The following BSN variants were observed in gnomAD, a reference collection of about 807,000 sequenced individuals.
BSN encodes protein bassoon.
In BSN, 57 loss-of-function variants were observed where a neutral mutation model predicts 264.8. The ratio of observed to expected loss-of-function variants is 0.22; its 90% CI spans 0.17 to 0.27. The LOEUF (loss-of-function observed/expected upper bound fraction) is 0.27, where lower values mean the gene tolerates loss of function less well. Among genes scored for constraint, BSN ranks in the 10% least tolerant of loss-of-function variants. The pLI, the probability that BSN is intolerant of heterozygous loss-of-function variation, is 1.00. For synonymous variants in BSN, 2,059 were observed against 2,137.3 expected, an observed-to-expected ratio of 0.96 and a Z score of 1.01; for missense variants, 4,615 against 5,232.5, an observed-to-expected ratio of 0.88 and a Z score of 3.64.
At chr3:49,586,268 T>C (rs1320080636) in intron 1 of BSN, among the ~76,000 whole-genome samples, 1 of 152,220 alleles carries the variant, frequency 6.6e-6, no homozygotes, top group African/African-American at 2.4e-5. Flanking sequence ...TTTTTGTATA[T>C]GATGAGAGAT....
At chr3:49,570,671 C>T (rs897980507) in intron 1 of BSN, among the ~76,000 whole-genome samples, 3 of 152,182 alleles carry the variant, frequency 2.0e-5, no homozygotes, top group African/African-American at 7.2e-5. Flanking sequence ...CTCTACACCC[C>T]TGAGTGTTGA....
chr3:49,596,755 A>G (rs1332954596), intron 1 of BSN, among the ~76,000 whole-genome samples: 1 of 152,108 alleles, frequency 6.6e-6, no homozygotes, highest in Non-Finnish European at 1.5e-5. Flanking sequence ...TGAACTCCCA[A>G]CATCAAGTGA....
chr3:49,654,803 G>T lies in BSN; in HGVS notation c.5247G>T (p.Val1749=). 1 of 1,613,516 alleles carries T rather than the reference G, an allele frequency of 6.2e-7. No homozygotes were observed. The highest frequency in any genetic ancestry group is 8.5e-7 in the Non-Finnish European group (1 of 1,179,964). ...TCATGGCTCAACAAAAGCAGCCTGT[G>T]GTCTATGGAGACCCCTACCAGAGCC... ...SVFMAQQKQP[V]VYGDPYQSRL... The change falls in exon 5 of 12, where the codon GTG becomes GTT. Residue 1749 remains valine, a synonymous_variant. Coordinates refer to ENST00000296452, the MANE Select transcript of BSN (RefSeq NM_003458.4). This position sits in a 1 kb window ranked among gnomAD's most constrained non-coding sequence, Gnocchi z 4.1.
intron 2 of BSN, among the ~76,000 whole-genome samples, chr3:49,640,261 A>G (rs1048123326): frequency 6.6e-6 from 1 of 152,212 alleles, no homozygotes; most frequent in Non-Finnish European, 1.5e-5. Context: ...TATGACCTGC[A>G]TGACCAAATT....
At chr3:49,606,267 A>AATATATATTTAAATATATATT (rs2052147091) in intron 1 of BSN, among the ~76,000 whole-genome samples, 2 of 7,586 alleles carry the variant, frequency 2.6e-4, no homozygotes, top group Admixed American at 2.5e-3. Context: ...AAATATATAT[A>AATATATATTTAAATATATATT]ATATATATTA....
At chr3:49,648,312 G>C (rs1194126541) in intron 3 of BSN, among the ~76,000 whole-genome samples, 1 of 152,256 alleles carries the variant, frequency 6.6e-6, no homozygotes, top group Non-Finnish European at 1.5e-5. Flanking sequence ...AACTTTGAGA[G>C]GCCTAACATG....
At position 49,643,235 on chromosome 3, in the gene BSN, G is replaced by A. The variant is rs1019334680; in HGVS notation, c.1518+83G>A. The stretch of plus-strand genomic sequence containing the variant: ...GTGAGTGTCATGGGAACCAGAAAGA[G>A]TTCTGGGTCTGCAGCAGCCATGGGG... On this transcript the variant is annotated intron_variant, in intron 3 of 11. Coordinates refer to ENST00000296452, the MANE Select transcript of BSN (RefSeq NM_003458.4). 2.6e-5 allele frequency: 39 copies of A among 1,503,580 alleles called. 1 individual carries two copies. The highest frequency in any genetic ancestry group is 2.5e-4 in the Middle Eastern group (1 of 4,032). 93.1% of individuals were successfully genotyped at this position (1,503,580 alleles called of 1,614,324 possible).
chr3:49,613,303 C>CGA (rs752108805), intron 1 of BSN, among the ~76,000 whole-genome samples: 2,522 of 47,330 alleles, frequency 0.053, 272 homozygotes, highest in South Asian at 0.085. Context: ...ACACACAGAG[C>CGA]GAGAGAGAGA....
rs2052395289 is a variant in BSN, at chr3:49,633,276, T to A, written c.633+7893T>A. Among the ~76,000 whole-genome samples, 2 of 147,694 alleles carry A rather than the reference T, an allele frequency of 1.4e-5. 1 individual carries two copies. On this transcript the variant is annotated intron_variant, in intron 2 of 11. Transcript: ENST00000296452. Reference sequence around the variant, plus strand: ...AAGATCACGCCACTGCACTCCAGCCTGGACAACTGAGCGAGACTCTGTCTC... The same window carrying A: ...AAGATCACGCCACTGCACTCCAGCCAGGACAACTGAGCGAGACTCTGTCTC...
At chr3:49,640,651 A>T (rs1482174488) in intron 2 of BSN, 1 of 152,184 alleles carries the variant, frequency 6.6e-6, no homozygotes, top group Non-Finnish European at 1.5e-5. Context: ...GGCGTTCGCC[A>T]CCACACCTGG....
At chr3:49,584,181 G>A (rs147041918) in intron 1 of BSN, among the ~76,000 whole-genome samples, 4 of 152,014 alleles carry the variant, frequency 2.6e-5, no homozygotes, top group East Asian at 3.9e-4. Context: ...CACCACGCCC[G>A]GCCAATCCTT....
chr3:49,590,993 C>T (rs2051972944), intron 1 of BSN, among the ~76,000 whole-genome samples: 1 of 151,770 alleles, frequency 6.6e-6, no homozygotes. Context: ...ATCCCTTGAA[C>T]CCCGGAGGCA....
chr3:49,627,505 G>C (rs548545708), intron 2 of BSN, among the ~76,000 whole-genome samples: 4 of 152,250 alleles, frequency 2.6e-5, no homozygotes, highest in Non-Finnish European at 5.9e-5. Context: ...TTTGCTAAGA[G>C]CAGGTTCACC....
chr3:49,654,306 C>G lies in BSN; in HGVS notation c.4750C>G (p.Pro1584Ala). The part of the protein sequence containing the change: ...ASASTSPLCS[P>A]TETQPTTHGY... Reference sequence around the variant, plus strand: ...TGCCTCCACCTCCCCGCTCTGCTCACCTACTGAAACCCAGCCCACCACCCA... The same window carrying G: ...TGCCTCCACCTCCCCGCTCTGCTCAGCTACTGAAACCCAGCCCACCACCCA... The change falls in exon 5 of 12, where the codon CCT becomes GCT. Residue 1584 changes from proline to alanine, a missense_variant. By Grantham distance (27) the Pro-to-Ala change is conservative. Coordinates refer to ENST00000296452, the MANE Select transcript of BSN (RefSeq NM_003458.4). The surrounding 1 kb of genome is among the most constrained non-coding windows in gnomAD (Gnocchi z 4.1). The G allele has an allele frequency of 1.2e-6, 2 of 1,613,776 alleles. No individual in the cohort carries two copies. The highest frequency in any genetic ancestry group is 1.7e-5 in the Admixed American group (1 of 59,964).
chr3:49,579,887 T>C (rs1049692411), intron 1 of BSN, among the ~76,000 whole-genome samples: 1 of 150,898 alleles, frequency 6.6e-6, no homozygotes, highest in East Asian at 1.9e-4. Context: ...ATCATTCTAT[T>C]AATATGCTAT....
chr3:49,566,054 A>G (rs1330831348), intron 1 of BSN, among the ~76,000 whole-genome samples: 1 of 151,978 alleles, frequency 6.6e-6, no homozygotes, highest in Non-Finnish European at 1.5e-5. Flanking sequence ...TGAACGCCTT[A>G]CCTCAGGTGA....
At chr3:49,570,463 TG>T (rs958686403) in intron 1 of BSN, among the ~76,000 whole-genome samples, 7 of 152,284 alleles carry the variant, frequency 4.6e-5, no homozygotes, top group African/African-American at 1.7e-4. Context: ...TGCACCTACA[TG>T]GCCATTCTGT....
At chr3:49,620,495 G>T (rs2052297062) in intron 1 of BSN, among the ~76,000 whole-genome samples, 1 of 151,946 alleles carries the variant, frequency 6.6e-6, no homozygotes, top group South Asian at 2.1e-4. Flanking sequence ...ATGGCCAAAT[G>T]CACATGTCAG....
chr3:49,584,972 T>C (rs547203036), intron 1 of BSN, among the ~76,000 whole-genome samples: 3 of 152,358 alleles, frequency 2.0e-5, no homozygotes, highest in South Asian at 4.1e-4. Context: ...CTGTATCTCA[T>C]TCTTTTTTTA....
Sources: allele counts gnomAD v4.1 joint callset (sites outside exome capture counted in the v4.1 genomes callset), GRCh38; gene constraint gnomAD v4.1.1; non-coding constraint Gnocchi (gnomAD v3.1); transcripts MANE v1.5; gene names NCBI Gene and HGNC (gene_info 2026-07-23, HGNC 2026-07-21).